The following KIZ variants were observed in gnomAD, a reference collection of about 807,000 sequenced individuals.
The protein encoded by KIZ is centrosomal protein kizuna.
Under a neutral mutation model 79.6 loss-of-function variants are expected in KIZ, and 68 were observed. That is an observed-to-expected ratio of 0.85 (90% CI 0.70 to 1.05). The LOEUF is 1.05. KIZ is among the 50% of genes least tolerant of loss of function. The pLI is 0.00. For missense variants in KIZ, 797 were observed against 800.4 expected (o/e 1.00, Z 0.05); for synonymous variants, 280 against 281.8 (o/e 0.99, Z 0.06).
intron 6 of KIZ, among the ~76,000 whole-genome samples, chr20:21,168,485 A>G (rs1377737469): frequency 6.6e-6 from 1 of 152,204 alleles, no homozygotes; most frequent in Non-Finnish European, 1.5e-5. Flanking sequence ...AAGAATCAAT[A>G]TCGTGAAAAT....
intron 10 of KIZ, among the ~76,000 whole-genome samples, 180 bp downstream of exon 10, chr20:21,229,295 T>C (rs2036760620): frequency 6.6e-6 from 1 of 152,258 alleles, no homozygotes; most frequent in African/African-American, 2.4e-5. Context: ...AAAGCCCTTT[T>C]GTTGTGTCCT....
Position 21,229,905 on chromosome 20 carries a change from G to T in KIZ, c.1783+790G>T, listed in dbSNP as rs188494817. Among the ~76,000 whole-genome samples the T allele has an allele frequency of 1.8e-3, 274 of 152,178 alleles. 1 individual carries two copies. Among genetic ancestry groups the T allele is most frequent in the African/African-American group, 6.2e-3 (259 of 41,514 alleles). On this transcript the variant is annotated intron_variant, in intron 10 of 12. Transcript: ENST00000619189. ...AAGCTAAATTTTAAGCTTAATTATA[G>T]TTCCTTCAATTTAAGATTTTGTTTT...
At position 21,233,061 on chromosome 20, in the gene KIZ, C is replaced by T. The variant is rs947492399; in HGVS notation, c.1880+231C>T. 4.3e-5 allele frequency: 23 copies of T among 536,830 alleles called. No individual in the cohort carries two copies. The Admixed American group carries it at 6.7e-4, about 16-fold the overall frequency. 33.3% of individuals were successfully genotyped at this position (536,830 alleles called of 1,614,324 possible). A position where few individuals can be genotyped will look rare whatever the true frequency, so the allele number is the denominator to read the frequency against. On this transcript the variant is annotated intron_variant, in intron 11 of 12. Coordinates refer to ENST00000619189, the MANE Select transcript of KIZ (RefSeq NM_018474.6). ...TTTCCTTGGTTTAAGACTCAATTGA[C>T]ACCTCAGTGAACCACAAATTAGCGT... is the stretch of plus-strand genomic sequence containing the variant.
intron 6 of KIZ, among the ~76,000 whole-genome samples, chr20:21,179,271 G>A (rs2034556067): frequency 6.7e-6 from 1 of 148,380 alleles, no homozygotes; most frequent in Non-Finnish European, 1.5e-5. Context: ...ACTAGTTTTA[G>A]GTCTGTTCAG....
chr20:21,218,611 A>T (rs987963109), intron 9 of KIZ: 4 of 152,234 alleles, frequency 2.6e-5, no homozygotes, highest in Non-Finnish European at 2.9e-5. Context: ...AGAGTTTCAG[A>T]TAACTTATCA....
In KIZ at chr20:21,132,167, A is replaced by G; in HGVS notation, c.152+8A>G. The G allele has an allele frequency of 2.9e-6, 4 of 1,401,474 alleles. No homozygotes were observed. The highest frequency in any genetic ancestry group is 2.0e-6 in the Non-Finnish European group (2 of 1,023,846). 86.8% of individuals were successfully genotyped at this position (1,401,474 alleles called of 1,614,324 possible). ...TCAGTCTGATACATGCAGGTAAGAG[A>G]CGACAGTGGGAACAGTTTTCAAGCC... On this transcript the variant is annotated splice_region_variant and intron_variant, in intron 2 of 12. Transcript: ENST00000619189.
At chr20:21,188,722 C>T (rs1266319471) in intron 6 of KIZ, among the ~76,000 whole-genome samples, 5 of 101,710 alleles carry the variant, frequency 4.9e-5, no homozygotes, top group African/African-American at 8.4e-5. Context: ...ATTTTTGAGA[C>T]GGAGTCTTGC....
At chr20:21,203,210 T>C (rs1303281432) in intron 6 of KIZ, among the ~76,000 whole-genome samples, 1 of 152,170 alleles carries the variant, frequency 6.6e-6, no homozygotes, top group African/African-American at 2.4e-5. Context: ...TGACATTCCC[T>C]CCCTCCTTTT....
chr20:21,204,123 T>G (rs984705843), intron 6 of KIZ, among the ~76,000 whole-genome samples: 1 of 137,852 alleles, frequency 7.3e-6, no homozygotes. Context: ...TTTTTTTTTT[T>G]TTTTTTTTTT....
intron 1 of KIZ, among the ~76,000 whole-genome samples, chr20:21,126,556 T>G (rs1301831328): frequency 6.6e-6 from 1 of 152,082 alleles, no homozygotes; most frequent in Non-Finnish European, 1.5e-5. Context: ...TCTTGTCCCC[T>G]TTTACACGCC....
intron 9 of KIZ, among the ~76,000 whole-genome samples, chr20:21,216,607 A>G (rs957815755): frequency 1.3e-5 from 2 of 152,196 alleles, no homozygotes; most frequent in Admixed American, 6.5e-5. Flanking sequence ...ATTTTCACCA[A>G]TGATATGTTT....
chr20:21,192,304 G>T (rs941192974), intron 6 of KIZ, among the ~76,000 whole-genome samples: 7 of 114,490 alleles, frequency 6.1e-5, no homozygotes, highest in African/African-American at 6.4e-5. Context: ...TTTTTTTTGC[G>T]GGGGAGGGTG....
chr20:21,134,660 GT>G (rs537989513), intron 2 of KIZ, among the ~76,000 whole-genome samples: 7,853 of 130,500 alleles, frequency 0.06, 251 homozygotes, highest in African/African-American at 0.096. Flanking sequence ...CATCTTTCAG[GT>G]TTTTTTTTTT....
At position 21,163,027 on chromosome 20, in the gene KIZ, G is replaced by T; in HGVS notation, c.1220G>T (p.Gly407Val). ...GGTGGCAAGATGGAGGGAGAAGATG[G>T]AATAGAGGCCTTAAAATTAATCCAT... Reference protein sequence around the residue: ...NPGGKMEGEDGIEALKLIHAE... With the variant: ...NPGGKMEGEDVIEALKLIHAE... The change falls in exon 6 of 13, where the codon GGA (glycine) becomes GTA (valine). Residue 407 changes from glycine (G) to valine (V), a missense_variant. By Grantham distance (109) the Gly-to-Val change is moderately radical. Coordinates refer to ENST00000619189, the MANE Select transcript of KIZ (RefSeq NM_018474.6). The T allele has an allele frequency of 6.2e-7, 1 of 1,613,910 alleles. No individual in the cohort carries two copies. Among genetic ancestry groups the T allele is most frequent in the Non-Finnish European group, 8.5e-7 (1 of 1,179,832 alleles).
chr20:21,229,031 C>T lies in KIZ; in HGVS notation c.1699C>T (p.Leu567=), dbSNP rs1239863461. ...PITETEAYQL[L]KKATLQDNTN... is the part of the protein sequence containing the mutation. ...AACAGAAACAGAAGCCTATCAGTTG[C>T]TGAAGAAGGCCACCCTTCAGGATAA... The change falls in exon 10 of 13, where the codon CTG becomes TTG. Residue 567 remains leucine, a synonymous_variant. Coordinates refer to ENST00000619189, the MANE Select transcript of KIZ (RefSeq NM_018474.6). 6 of 1,607,514 alleles carry T rather than the reference C, an allele frequency of 3.7e-6. No homozygotes were observed. The highest frequency in any genetic ancestry group is 5.1e-6 in the Non-Finnish European group (6 of 1,175,070).
At chr20:21,186,138 G>T (rs905426337) in intron 6 of KIZ, among the ~76,000 whole-genome samples, 1 of 152,064 alleles carries the variant, frequency 6.6e-6, no homozygotes, top group Non-Finnish European at 1.5e-5. Flanking sequence ...AGTAAAAAAT[G>T]TTCTAATTTA....
intron 4 of KIZ, among the ~76,000 whole-genome samples, chr20:21,149,434 C>T (rs1169268750): frequency 5.3e-5 from 8 of 152,312 alleles, no homozygotes; most frequent in African/African-American, 1.4e-4. Context: ...AAGAAGCGTC[C>T]GTTTCGGTTG....
intron 3 of KIZ, among the ~76,000 whole-genome samples, chr20:21,137,068 T>C (rs565638120): frequency 2.6e-4 from 39 of 152,216 alleles, no homozygotes; most frequent in Non-Finnish European, 5.7e-4. Context: ...TTGAGCAGCA[T>C]TGGGGTTCTC....
At chr20:21,208,066 A>C (rs887814372) in intron 7 of KIZ, among the ~76,000 whole-genome samples, 20 of 152,118 alleles carry the variant, frequency 1.3e-4, no homozygotes, top group African/African-American at 4.8e-4. Context: ...TGTCCCTTTG[A>C]GTTAGCACTG....
Sources: allele counts gnomAD v4.1 joint callset (sites outside exome capture counted in the v4.1 genomes callset), GRCh38; gene constraint gnomAD v4.1.1; transcripts MANE v1.5; gene names NCBI Gene and HGNC (gene_info 2026-07-23, HGNC 2026-07-21).